Variants in P2RY8 observed in about 807,000 individuals in gnomAD.
The protein encoded by P2RY8 is S-geranylgeranyl-glutathione receptor P2RY8.
A neutral mutation model predicts 10.0 loss-of-function variants in P2RY8; 6 were observed. The ratio of observed to expected loss-of-function variants is 0.60; its 90% CI spans 0.33 to 1.19. P2RY8 has a LOEUF of 1.19. Ranked by LOEUF, P2RY8 falls within the 50% of genes most tolerant of loss-of-function variation. P2RY8 has a pLI of 0.04. For missense variants in P2RY8, 456 were observed against 542.0 expected (o/e 0.84, Z 1.58); for synonymous variants, 276 against 252.5 (o/e 1.09, Z -0.88).
In P2RY8 at chrX:1,474,489, AGGATGGGTAGAT is replaced by A. The variant is rs1339615300; in HGVS notation, c.-24-7919_-24-7908del. ...TGAATGGATGTATGATGAATGGATG[AGGATGGGTAGAT>A]GGATGGGTAGATGGATAGATGGGTG... On this transcript the variant is annotated intron_variant, in intron 1 of 1. Coordinates refer to ENST00000381297, the MANE Select transcript of P2RY8 (RefSeq NM_178129.5). Among the ~76,000 whole-genome samples the A allele has an allele frequency of 2.9e-4, 31 of 106,134 alleles. 2 individuals are homozygous for A. The highest frequency in any genetic ancestry group is 1.5e-3 in the Admixed American group (15 of 10,176). 69.6% of individuals were successfully genotyped at this position (106,134 alleles called of 152,430 possible). A position where few individuals can be genotyped will look rare whatever the true frequency, so the allele number is the denominator to read the frequency against.
At chrX:1,529,817 T>G (rs1223013918) in intron 1 of P2RY8, among the ~76,000 whole-genome samples, 2 of 152,104 alleles carry the variant, frequency 1.3e-5, no homozygotes, top group Non-Finnish European at 2.9e-5. Flanking sequence ...CTATCATTTA[T>G]CTGCCTACCA....
intron 1 of P2RY8, among the ~76,000 whole-genome samples, chrX:1,533,988 A>T (rs1392027268): frequency 8.1e-6 from 1 of 124,170 alleles, no homozygotes; most frequent in Non-Finnish European, 1.5e-5. Context: ...TATATTATAT[A>T]TTTATATATT....
At chrX:1,535,976 G>T (rs1315287146) in intron 1 of P2RY8, among the ~76,000 whole-genome samples, 7 of 152,116 alleles carry the variant, frequency 4.6e-5, no homozygotes, top group Admixed American at 6.5e-5. Flanking sequence ...TGAGACCCGG[G>T]TCTGGGGTCT....
rs1446487760 is a variant in P2RY8, at chrX:1,462,938, C to T, written c.*2541G>A. ...CGGCTGTAAGAGGGGGTGTCGGCTG[C>T]TCTCCATAGCCAAGTGGCTGCAAAA... On this transcript the variant is annotated 3_prime_UTR_variant, in exon 2 of 2. Transcript: ENST00000381297. 3 of 232,014 alleles carry T rather than the reference C, an allele frequency of 1.3e-5. No individual in the cohort carries two copies. Among genetic ancestry groups the T allele is most frequent in the Non-Finnish European group, 2.6e-5 (3 of 117,614 alleles). The allele number at this position is 232,014 out of a possible 1,614,324, so 14.4% of individuals were successfully genotyped here. A position where few individuals can be genotyped will look rare whatever the true frequency, so the allele number is the denominator to read the frequency against.
At position 1,482,063 on chromosome X, in the gene P2RY8, C is replaced by T. The variant is rs1472126890; in HGVS notation, c.-24-15481G>A. Among the ~76,000 whole-genome samples the T allele has an allele frequency of 3.9e-5, 6 of 152,246 alleles. 1 individual carries two copies. The East Asian group carries it at 1.2e-3, about 29-fold the overall frequency. ...GTTTCTCTGATTTCTGTATCTCATTCTCAGAGTATATAGCACGGGGCTTCA... is the reference window on the plus strand; with the variant it reads ...GTTTCTCTGATTTCTGTATCTCATTTTCAGAGTATATAGCACGGGGCTTCA... On this transcript the variant is annotated intron_variant, in intron 1 of 1. Transcript: ENST00000381297.
chrX:1,466,154 G>A lies in P2RY8; in HGVS notation c.405C>T (p.Arg135=), dbSNP rs779809740. 4 of 1,611,862 alleles carry A rather than the reference G, an allele frequency of 2.5e-6. No homozygotes were observed. Among genetic ancestry groups the A allele is most frequent in the Admixed American group, 1.7e-5 (1 of 59,614 alleles). The change falls in exon 2 of 2, where the codon CGC becomes CGT. Residue 135 remains arginine, a synonymous_variant. Transcript: ENST00000381297. ...VLYPLSSKRW[R]RRRYAVAACA... ...ACGCGGCCACCGCGTAACGACGGCGGCGCCAGCGCTTGGAGCTGAGCGGGT... is the reference window on the plus strand; with the variant it reads ...ACGCGGCCACCGCGTAACGACGGCGACGCCAGCGCTTGGAGCTGAGCGGGT...
intron 1 of P2RY8, among the ~76,000 whole-genome samples, chrX:1,472,057 G>A (rs1320399879): frequency 1.3e-5 from 2 of 152,150 alleles, no homozygotes; most frequent in Non-Finnish European, 2.9e-5. Flanking sequence ...CTCTGTTGGA[G>A]CTGTGGATTT....
intron 1 of P2RY8, among the ~76,000 whole-genome samples, chrX:1,499,790 A>G (rs1392841161): frequency 1.1e-4 from 16 of 152,104 alleles, no homozygotes; most frequent in Non-Finnish European, 2.2e-4. Flanking sequence ...ACAAGAGGCA[A>G]CCTGGGATGT....
intron 1 of P2RY8, among the ~76,000 whole-genome samples, chrX:1,512,437 C>T (rs1569538252): frequency 1.3e-5 from 2 of 150,376 alleles, no homozygotes; most frequent in East Asian, 2.0e-4. Context: ...ATCCCAGCTA[C>T]TCGGGAGGCT....
At chrX:1,470,567 C>T (rs1265350080) in intron 1 of P2RY8, among the ~76,000 whole-genome samples, 2 of 151,986 alleles carry the variant, frequency 1.3e-5, no homozygotes, top group Non-Finnish European at 1.5e-5. Context: ...TAATCCTGTT[C>T]GTTCCTGTCC....
chrX:1,521,938 C>A (rs1410172483), intron 1 of P2RY8, among the ~76,000 whole-genome samples: 1 of 112,738 alleles, frequency 8.9e-6, no homozygotes, highest in African/African-American at 3.6e-5. Flanking sequence ...CTTTCTCTCT[C>A]GCTCTCTTTT....
intron 1 of P2RY8, among the ~76,000 whole-genome samples, chrX:1,478,907 G>A (rs2091906287): frequency 6.6e-6 from 1 of 152,146 alleles, no homozygotes; most frequent in East Asian, 1.9e-4. Flanking sequence ...CTGCCTTTCT[G>A]GTGGTCCCTC....
chrX:1,517,515 A>C (rs2092360301), intron 1 of P2RY8, among the ~76,000 whole-genome samples: 1 of 152,188 alleles, frequency 6.6e-6, no homozygotes, highest in South Asian at 2.1e-4. Context: ...CCAGAGTCTC[A>C]GGATGAACTG....
chrX:1,520,968 C>A (rs1186656154), intron 1 of P2RY8, among the ~76,000 whole-genome samples: 1 of 151,356 alleles, frequency 6.6e-6, no homozygotes, highest in East Asian at 1.9e-4. Context: ...CCTCTTTGGC[C>A]CCCAATCATC....
intron 1 of P2RY8, among the ~76,000 whole-genome samples, chrX:1,471,608 G>T (rs1469742714): frequency 4.7e-4 from 72 of 152,106 alleles, no homozygotes; most frequent in African/African-American, 1.7e-3. Context: ...CGCCTGGCGT[G>T]TTCCTGATTC....
intron 1 of P2RY8, among the ~76,000 whole-genome samples, chrX:1,488,733 G>GGT (rs771296428): frequency 0.31 from 45,926 of 147,386 alleles, 7,096 homozygotes; most frequent in Middle Eastern, 0.45. Flanking sequence ...GTAAATGCAG[G>GGT]GTGTGTGTGT....
In P2RY8 at chrX:1,509,942, C is replaced by T. The variant is rs137950693; in HGVS notation, c.-25+26979G>A. ...ATCATCTATGTATCTATGTATCCATCCATCTATGTAAATATTATCTATGCA... is the reference window on the plus strand; with the variant it reads ...ATCATCTATGTATCTATGTATCCATTCATCTATGTAAATATTATCTATGCA... On this transcript the variant is annotated intron_variant, in intron 1 of 1. Transcript: ENST00000381297. Among the ~76,000 whole-genome samples, 27 of 148,726 alleles carry T rather than the reference C, an allele frequency of 1.8e-4. No individual in the cohort carries two copies. In the East Asian group the frequency reaches 5.3e-3, roughly 29 times the overall value.
In P2RY8 at chrX:1,474,322, G is replaced by A. The variant is rs1402497532; in HGVS notation, c.-24-7740C>T. Among the ~76,000 whole-genome samples, 4 of 146,030 alleles carry A rather than the reference G, an allele frequency of 2.7e-5. No individual in the cohort carries two copies. The Admixed American group carries it at 2.8e-4, about 10-fold the overall frequency. ...GGATGGATAGATGGGTGGCTGGATA[G>A]ATGAATAGGTGTATGGGTGTGTGGA... On this transcript the variant is annotated intron_variant, in intron 1 of 1. Coordinates refer to ENST00000381297, the MANE Select transcript of P2RY8 (RefSeq NM_178129.5).
chrX:1,513,282 T>G (rs1317474836), intron 1 of P2RY8, among the ~76,000 whole-genome samples: 8 of 152,172 alleles, frequency 5.3e-5, no homozygotes, highest in African/African-American at 1.9e-4. Context: ...GATGGGCATT[T>G]GGATTGGTCC....
Sources: gnomAD v4.1 joint callset for allele counts (sites outside exome capture counted in the v4.1 genomes callset) on GRCh38, gnomAD v4.1.1 for gene constraint, MANE v1.5 for transcripts, NCBI Gene and HGNC (gene_info 2026-07-23, HGNC 2026-07-21) for gene names.